The following MTHFD2L variants were observed in gnomAD, a reference collection of about 807,000 sequenced individuals.
MTHFD2L encodes the protein bifunctional methylenetetrahydrofolate dehydrogenase/cyclohydrolase 2, mitochondrial.
A neutral mutation model predicts 34.9 loss-of-function variants in MTHFD2L; 29 were observed. The observed-to-expected ratio is 0.83, with a 90% CI of 0.62 to 1.13. The LOEUF is 1.13. Ranked by LOEUF, MTHFD2L falls within the 50% of genes most tolerant of loss-of-function variation. MTHFD2L has a pLI of 0.00. For missense variants in MTHFD2L, 481 were observed against 446.5 expected, an observed-to-expected ratio of 1.08 and a Z score of -0.70; for synonymous variants, 167 against 155.7, an observed-to-expected ratio of 1.07 and a Z score of -0.54.
At chr4:74,298,217 GATATT>G (rs1193594047) in intron 7 of MTHFD2L, among the ~76,000 whole-genome samples, 27 of 152,032 alleles carry the variant, frequency 1.8e-4, no homozygotes, top group Admixed American at 1.6e-3. Flanking sequence ...TGTTTACAAT[GATATT>G]ATAATCTTCT....
Position 74,174,533 on chromosome 4 carries a change from C to T in MTHFD2L, c.171C>T (p.Thr57=), listed in dbSNP as rs116729977. The T allele has an allele frequency of 2.2e-4, 339 of 1,564,642 alleles. No homozygotes were observed. In the African/African-American group the frequency reaches 3.4e-3, roughly 16 times the overall value. Residue 57 remains threonine, a synonymous_variant, in exon 2 of 8, where the codon ACC becomes ACT. Transcript: ENST00000325278. ...VRHEAIIISG[T]EMAKHIQKEI... Reference sequence around the variant, plus strand: ...ATGAAGCCATTATTATATCAGGAACCGAAATGGCCAAGCATATCCAGAAAG... The same window carrying T: ...ATGAAGCCATTATTATATCAGGAACTGAAATGGCCAAGCATATCCAGAAAG...
chr4:74,152,575 G>T (rs1452933326), intron 1 of MTHFD2L, among the ~76,000 whole-genome samples: 7 of 151,778 alleles, frequency 4.6e-5, no homozygotes, highest in African/African-American at 9.7e-5. Context: ...TGTTATATAG[G>T]TATACATACA....
chr4:74,265,307 G>T (rs1452481882), intron 6 of MTHFD2L, among the ~76,000 whole-genome samples: 1 of 152,128 alleles, frequency 6.6e-6, no homozygotes, highest in East Asian at 1.9e-4. Context: ...ATGCACTGTA[G>T]CTGCTCCACA....
intron 3 of MTHFD2L, among the ~76,000 whole-genome samples, chr4:74,185,166 AAAAAAAAAAAAAAT>A (rs1272378919): frequency 4.6e-5 from 7 of 150,800 alleles, no homozygotes; most frequent in African/African-American, 1.2e-4. Context: ...AAAAAAAAAA[AAAAAAAAAAAAAAT>A]CTGGAAAATC....
upstream of MTHFD2L, among the ~76,000 whole-genome samples, chr4:74,153,688 A>G (rs1481932506): frequency 6.6e-6 from 1 of 152,196 alleles, no homozygotes; most frequent in Admixed American, 6.5e-5. Context: ...GATAAAGTCC[A>G]CCTTTAAAGA....
At chr4:74,203,469 G>T (rs2110063188) in intron 5 of MTHFD2L, among the ~76,000 whole-genome samples, 1 of 152,254 alleles carries the variant, frequency 6.6e-6, no homozygotes, top group Admixed American at 6.5e-5. Flanking sequence ...AATTTCTAAA[G>T]AAAAGAGGCT....
intron 3 of MTHFD2L, among the ~76,000 whole-genome samples, chr4:74,196,826 G>C (rs1733562839): frequency 6.6e-6 from 1 of 151,572 alleles, no homozygotes; most frequent in South Asian, 2.1e-4. Flanking sequence ...CATGCCTATA[G>C]TCCCAGCTAC....
At chr4:74,280,642 T>A (rs187438391) in intron 6 of MTHFD2L, among the ~76,000 whole-genome samples, 12,643 of 144,902 alleles carry the variant, frequency 0.087, 1,065 homozygotes, top group African/African-American at 0.21. Context: ...TTTTTTTTTT[T>A]AAAAAACTGG....
In MTHFD2L at chr4:74,115,025, T is replaced by C. The variant is rs77923266; in HGVS notation, c.-144+368T>C. Among the ~76,000 whole-genome samples the C allele has an allele frequency of 6.1e-4, 93 of 152,346 alleles. 2 individuals are homozygous for C. In the East Asian group the frequency reaches 0.011, roughly 18 times the overall value. On this transcript the variant is annotated intron_variant and NMD_transcript_variant, in intron 2 of 9. Transcript: ENST00000429519. ...TTCACCTTGGCCAGGCAGCTGCCCT[T>C]GCCCAGTAAATGGTACATCACAGTA...
At chr4:74,142,743 C>T (rs1723353096) in intron 1 of MTHFD2L, among the ~76,000 whole-genome samples, 1 of 152,098 alleles carries the variant, frequency 6.6e-6, no homozygotes, top group Non-Finnish European at 1.5e-5. Flanking sequence ...ACGTGCACTC[C>T]AGTTTTAGAA....
intron 5 of MTHFD2L, 112 bp downstream of exon 5, chr4:74,201,482 C>A: frequency 1.6e-6 from 1 of 629,850 alleles, no homozygotes; most frequent in Non-Finnish European, 2.6e-6. Flanking sequence ...TTATGCAGTT[C>A]AAAGTCTCCT....
At chr4:74,152,255 G>C (rs568160605) in intron 1 of MTHFD2L, among the ~76,000 whole-genome samples, 2 of 151,870 alleles carry the variant, frequency 1.3e-5, no homozygotes, top group African/African-American at 2.4e-5. Flanking sequence ...AAGATTTTTA[G>C]TATGACTTAT....
chr4:74,184,824 C>T (rs1029634239), intron 3 of MTHFD2L, among the ~76,000 whole-genome samples: 1 of 151,934 alleles, frequency 6.6e-6, no homozygotes. Context: ...GTTCTCTGAC[C>T]ACAATGGAAT....
chr4:74,298,097 T>C (rs1053990923), intron 7 of MTHFD2L, among the ~76,000 whole-genome samples: 2 of 152,082 alleles, frequency 1.3e-5, no homozygotes, highest in African/African-American at 4.8e-5. Flanking sequence ...TTTTCCAAAG[T>C]CAAATTAATC....
chr4:74,183,639 A>C (rs1040954397), intron 3 of MTHFD2L: 1 of 152,074 alleles, frequency 6.6e-6, no homozygotes, highest in Admixed American at 6.6e-5. Flanking sequence ...GCAACAGAGC[A>C]AGACTCCATC....
At chr4:74,175,442 A>G in intron 3 of MTHFD2L, 39 bp downstream of exon 3, 1 of 1,573,026 alleles carries the variant, frequency 6.4e-7, no homozygotes, top group South Asian at 1.2e-5. Context: ...TTTTGTTAAA[A>G]GTGAAACAAA....
chr4:74,127,991 G>A (rs1243713942), intron 1 of MTHFD2L, among the ~76,000 whole-genome samples: 1 of 152,012 alleles, frequency 6.6e-6, no homozygotes, highest in Non-Finnish European at 1.5e-5. Flanking sequence ...CATTTTTCTG[G>A]TGACTAGTGA....
At chr4:74,150,233 T>G (rs1723847585) in intron 1 of MTHFD2L, among the ~76,000 whole-genome samples, 1 of 152,172 alleles carries the variant, frequency 6.6e-6, no homozygotes, top group Non-Finnish European at 1.5e-5. Flanking sequence ...CTTAAAGAAA[T>G]GTAACACCAT....
At chr4:74,286,188 C>T (rs1184173111) in intron 7 of MTHFD2L, among the ~76,000 whole-genome samples, 1 of 152,160 alleles carries the variant, frequency 6.6e-6, no homozygotes, top group Non-Finnish European at 1.5e-5. Context: ...ATTACTTGAA[C>T]ATACTTCCTC....
Sources: gnomAD v4.1 joint callset for allele counts (sites outside exome capture counted in the v4.1 genomes callset) on GRCh38, gnomAD v4.1.1 for gene constraint, MANE v1.5 for transcripts, NCBI Gene and HGNC (gene_info 2026-07-23, HGNC 2026-07-21) for gene names.